The following BRD4 variants were observed in gnomAD, a reference collection of about 807,000 sequenced individuals.
BRD4 encodes the protein bromodomain containing 4, also known as bromodomain-containing protein 4.
A neutral mutation model predicts 142.1 loss-of-function variants in BRD4; 16 were observed. The observed-to-expected ratio is 0.11, with a 90% CI of 0.08 to 0.17. The LOEUF is 0.17. BRD4 is among the 10% of genes least tolerant of loss of function. BRD4 has a pLI of 1.00. For missense variants in BRD4, 1,424 were observed against 1,810.9 expected (o/e 0.79, Z 3.88); for synonymous variants, 833 against 707.5 (o/e 1.18, Z -2.82).
At chr19:15,310,362 C>A (rs1267263826) in intron 1 of BRD4, among the ~76,000 whole-genome samples, 2 of 4,474 alleles carry the variant, frequency 4.5e-4, no homozygotes, top group Non-Finnish European at 1.0e-3. Flanking sequence ...TTGGATTCCC[C>A]CCCCCCCCCC....
intron 5 of BRD4, 152 bp from the exon 6 acceptor site, chr19:15,264,918 C>T: frequency 7.8e-7 from 1 of 1,277,738 alleles, no homozygotes; most frequent in Non-Finnish European, 1.1e-6. Context: ...GGGCCAAGGA[C>T]AGGCAGATCG....
At chr19:15,271,975 T>C (rs2047593081) in intron 2 of BRD4, among the ~76,000 whole-genome samples, 1 of 126,716 alleles carries the variant, frequency 7.9e-6, no homozygotes, top group African/African-American at 3.4e-5. Context: ...TCTGGGTCAG[T>C]GGCTGCAACC....
intron 1 of BRD4, among the ~76,000 whole-genome samples, chr19:15,303,625 A>G (rs2047889989): frequency 2.0e-5 from 3 of 152,230 alleles, no homozygotes; most frequent in Non-Finnish European, 2.9e-5. Context: ...GAAGAAGGAA[A>G]AAGGCTGCCC....
chr19:15,302,219 C>T (rs1199571586), intron 1 of BRD4, among the ~76,000 whole-genome samples: 2 of 151,940 alleles, frequency 1.3e-5, no homozygotes, highest in Non-Finnish European at 2.9e-5. Context: ...AATAAACAAA[C>T]CACATGCAGT....
chr19:15,243,283 T>C lies in BRD4; in HGVS notation c.2786A>G (p.Gln929Arg), dbSNP rs2047255534. ...PAPPLTSMQM[Q>R]LYLQQLQKVQ... The stretch of plus-strand genomic sequence containing the variant: ...CTTCTGCAGCTGCTGCAGGTACAGC[T>C]GCATCTGCATGGAGGTGAGGGGTGG... The change falls in exon 14 of 20, where the codon CAG becomes CGG. Residue 929 changes from glutamine (Q) to arginine (R), a missense_variant. Physicochemically the swap from Gln to Arg is conservative, Grantham distance 43 (BLOSUM62 1). Transcript: ENST00000679869. 5 of 1,420,736 alleles carry C rather than the reference T, an allele frequency of 3.5e-6. No homozygotes were observed. The highest frequency in any genetic ancestry group is 3.2e-5 in the African/African-American group (2 of 63,232). 88.0% of individuals were successfully genotyped at this position (1,420,736 alleles called of 1,614,324 possible). A position where few individuals can be genotyped will look rare whatever the true frequency, so the allele number is the denominator to read the frequency against.
At chr19:15,252,460 G>A (rs1169543447) in intron 11 of BRD4, among the ~76,000 whole-genome samples, 2 of 152,234 alleles carry the variant, frequency 1.3e-5, no homozygotes, top group African/African-American at 4.8e-5. Context: ...GCAAGCTGGA[G>A]GCTTGGCTGG....
chr19:15,292,161 C>T (rs184188419), intron 1 of BRD4, among the ~76,000 whole-genome samples: 1 of 152,290 alleles, frequency 6.6e-6, no homozygotes, highest in African/African-American at 2.4e-5. Context: ...AAGGAGACCC[C>T]CTAGTTATCA....
intron 1 of BRD4, among the ~76,000 whole-genome samples, chr19:15,280,607 G>T (rs1439924195): frequency 6.6e-6 from 1 of 152,182 alleles, no homozygotes; most frequent in Admixed American, 6.5e-5. Context: ...ACACCAAGTT[G>T]TTATTTATGC....
rs572668003 is a variant in BRD4, at chr19:15,307,749, C to T, written c.-35+24541G>A. 5.3e-5 allele frequency among the ~76,000 whole-genome samples: 8 copies of T among 152,186 alleles called. No individual in the cohort carries two copies. In the East Asian group the frequency reaches 5.8e-4, roughly 11 times the overall value. On this transcript the variant is annotated intron_variant, in intron 1 of 19. Transcript: ENST00000679869. ...TATTGCATGGTGCCAATCAGGTGGC[C>T]GCACTACGTTTGGCATCAGTGTGGT...
At chr19:15,317,881 AGGT>A (rs1447551645) in intron 1 of BRD4, among the ~76,000 whole-genome samples, 1 of 152,236 alleles carries the variant, frequency 6.6e-6, no homozygotes, top group Non-Finnish European at 1.5e-5. Flanking sequence ...ATGAACACGA[AGGT>A]GGTATTATTT....
intron 1 of BRD4, among the ~76,000 whole-genome samples, chr19:15,319,793 G>C (rs1385481449): frequency 2.6e-5 from 4 of 151,902 alleles, no homozygotes; most frequent in Non-Finnish European, 5.9e-5. Flanking sequence ...AAAATTAGAT[G>C]AGTGTGGTGG....
intron 2 of BRD4, 34 bp from the exon 3 acceptor site, chr19:15,269,076 T>C (rs2047561321): frequency 1.9e-6 from 3 of 1,611,550 alleles, no homozygotes; most frequent in Non-Finnish European, 2.5e-6. Context: ...CAGTGTCACC[T>C]AGGCAGCCAG....
Position 15,255,451 on chromosome 19 carries a change from G to A in BRD4, c.1893C>T (p.Gly631=), listed in dbSNP as rs201370593. The A allele has an allele frequency of 1.2e-6, 2 of 1,614,012 alleles. No homozygotes were observed. Among genetic ancestry groups the A allele is most frequent in the Non-Finnish European group, 1.7e-6 (2 of 1,180,040 alleles). ...GTGACTGGATGATGTGCACCACGCGGCCCAGCTTCTCGCCGGGGAGCTTGT... is the reference window on the plus strand; with the variant it reads ...GTGACTGGATGATGTGCACCACGCGACCCAGCTTCTCGCCGGGGAGCTTGT... The part of the protein sequence containing the change: ...DINKLPGEKL[G]RVVHIIQSRE... The change falls in exon 10 of 20, where the codon GGC becomes GGT. Residue 631 remains glycine (G), a synonymous_variant. Coordinates refer to ENST00000679869, the MANE Select transcript of BRD4 (RefSeq NM_001379291.1).
intron 1 of BRD4, among the ~76,000 whole-genome samples, chr19:15,308,586 A>T (rs1276554084): frequency 2.2e-5 from 3 of 139,508 alleles, no homozygotes; most frequent in Non-Finnish European, 4.7e-5. Flanking sequence ...GAGTCTACCT[A>T]AAAAAAAAAA....
intron 2 of BRD4, 86 bp from the exon 3 acceptor site, chr19:15,269,128 C>G (rs2047561868): frequency 1.3e-6 from 2 of 1,492,578 alleles, no homozygotes; most frequent in East Asian, 4.6e-5. Flanking sequence ...CTGGGGACCT[C>G]ACCCCTGGCT....
rs571369677 is a variant in BRD4 at position 15,256,982 on chromosome 19, C to A, written c.1533G>T (p.Leu511=). 2 of 1,578,922 alleles carry A rather than the reference C, an allele frequency of 1.3e-6. No individual in the cohort carries two copies. Among genetic ancestry groups the A allele is most frequent in the African/African-American group, 2.7e-5 (2 of 74,626 alleles). Reference sequence around the variant, plus strand: ...CCCTCACCTGCTCCTGGAGCTCAGCCAGCCGCTGGGCTCGCTCCTCCTCAG... The same window carrying A: ...CCCTCACCTGCTCCTGGAGCTCAGCAAGCCGCTGGGCTCGCTCCTCCTCAG... ...DDSEEERAQR[L]AELQEQLKAV... is the part of the protein sequence containing the mutation. Residue 511 remains leucine, a synonymous_variant, in exon 8 of 20, where the codon CTG becomes CTT. Transcript: ENST00000679869.
chr19:15,253,826 C>A (rs1447433367), intron 11 of BRD4: 30 of 1,517,726 alleles, frequency 2.0e-5, no homozygotes, highest in Non-Finnish European at 2.7e-5. Context: ...GCCTGGACCC[C>A]CACGCCCACA....
chr19:15,256,135 A>G lies in BRD4; in HGVS notation c.1680T>C (p.Asn560=). The change falls in exon 9 of 20, where the codon AAT becomes AAC. Residue 560 remains asparagine, a synonymous_variant. Transcript: ENST00000679869. ...GAGGTTCCTTGGCTTTGCTTTTTTTATTCTCTTCCACTTCCTCTTTCCTTT... is the reference window on the plus strand; with the variant it reads ...GAGGTTCCTTGGCTTTGCTTTTTTTGTTCTCTTCCACTTCCTCTTTCCTTT... ...KHKRKEEVEE[N]KKSKAKEPPP... The G allele has an allele frequency of 1.9e-6, 3 of 1,611,292 alleles. No individual in the cohort carries two copies. The highest frequency in any genetic ancestry group is 1.7e-6 in the Non-Finnish European group (2 of 1,179,606).
At chr19:15,305,337 C>T (rs1259551433) in intron 1 of BRD4, among the ~76,000 whole-genome samples, 3 of 152,150 alleles carry the variant, frequency 2.0e-5, no homozygotes, top group African/African-American at 7.2e-5. Context: ...CCACAGCACC[C>T]AGCCTGAAAT....
Sources: gnomAD v4.1 joint callset for allele counts (sites outside exome capture counted in the v4.1 genomes callset) on GRCh38, gnomAD v4.1.1 for gene constraint, MANE v1.5 for transcripts, NCBI Gene and HGNC (gene_info 2026-07-23, HGNC 2026-07-21) for gene names.